The following SMG1 variants were observed in gnomAD, a reference collection of about 807,000 sequenced individuals.
SMG1 encodes the protein SMG1 nonsense mediated mRNA decay associated PI3K related kinase.
SMG1 carries 22 observed loss-of-function variants against 419.9 expected under a neutral mutation model. That is an observed-to-expected ratio of 0.05 (90% CI 0.04 to 0.07). The LOEUF (loss-of-function observed/expected upper bound fraction) is 0.07. Among genes scored for constraint, SMG1 ranks in the 10% least tolerant of loss-of-function variants. SMG1 has a pLI of 1.00. For missense variants in SMG1, 3,185 were observed against 4,342.0 expected, an observed-to-expected ratio of 0.73 and a Z score of 7.49; for synonymous variants, 1,538 against 1,553.5, an observed-to-expected ratio of 0.99 and a Z score of 0.23.
Position 18,866,764 on chromosome 16 carries a change from C to T in SMG1, c.3207G>A (p.Leu1069=). The T allele has an allele frequency of 6.3e-7, 1 of 1,597,114 alleles. No individual in the cohort carries two copies. The highest frequency in any genetic ancestry group is 8.5e-7 in the Non-Finnish European group (1 of 1,179,414). The change falls in exon 23 of 63, where the codon TTG becomes TTA. Residue 1069 remains leucine (L), a synonymous_variant. Coordinates refer to ENST00000446231, the MANE Select transcript of SMG1 (RefSeq NM_015092.5). ...CTACCACCATCATAATGGTTACTTC[C>T]AATTCATTCCCCTGAAAACGCATTC... ...KTTSLSQGNE[L]EVTIMMVVEA...
intron 38 of SMG1, 52 bp from the exon 39 acceptor site, chr16:18,845,703 T>C: frequency 7.2e-7 from 1 of 1,388,322 alleles, no homozygotes; most frequent in Non-Finnish European, 1.0e-6. Flanking sequence ...CATTAAAGTT[T>C]TACACAAACA....
chr16:18,904,789 G>A (rs1386680316), intron 1 of SMG1, among the ~76,000 whole-genome samples: 2 of 150,762 alleles, frequency 1.3e-5, no homozygotes, highest in Non-Finnish European at 3.0e-5. Context: ...ACAAATATCA[G>A]CCAGGCGTGG....
chr16:18,900,226 C>T (rs1413172719), intron 1 of SMG1: 5 of 434,786 alleles, frequency 1.1e-5, no homozygotes, highest in South Asian at 6.5e-5. Flanking sequence ...GATAAAGAGG[C>T]TTAATGTGGC....
At chr16:18,901,207 A>C (rs1239120498) in intron 1 of SMG1, among the ~76,000 whole-genome samples, 1 of 152,100 alleles carries the variant, frequency 6.6e-6, no homozygotes, top group Admixed American at 6.5e-5. Flanking sequence ...ACCAAATCTT[A>C]ATTATCCATT....
rs1310651363 is a variant in SMG1 at position 18,925,721 on chromosome 16, C to A, written c.92+229G>T. The A allele has an allele frequency of 1.2e-5, 5 of 408,778 alleles. No individual in the cohort carries two copies. The East Asian group carries it at 2.0e-4, about 16-fold the overall frequency. The allele number at this position is 408,778 out of a possible 1,614,324, so 25.3% of individuals were successfully genotyped here. On this transcript the variant is annotated intron_variant, in intron 1 of 62. Transcript: ENST00000446231. ...AGGCCAGTGCCACCGCCGGGAGCCCCGGGTCTCGGCTCCAGCCCCGGGCTG... is the reference window on the plus strand; with the variant it reads ...AGGCCAGTGCCACCGCCGGGAGCCCAGGGTCTCGGCTCCAGCCCCGGGCTG...
At position 18,845,661 on chromosome 16, in the gene SMG1, A is replaced by G. The variant is rs765255854; in HGVS notation, c.5997-10T>C. 1 of 1,596,234 alleles carries G rather than the reference A, an allele frequency of 6.3e-7. No individual in the cohort carries two copies. Among genetic ancestry groups the G allele is most frequent in the Non-Finnish European group, 8.5e-7 (1 of 1,172,000 alleles). ...TGCAATTTTCTCTTCTCTGACCAAG[A>G]AGACATTTTTATTCAAAAACTTAAA... On this transcript the variant is annotated splice_polypyrimidine_tract_variant and intron_variant, in intron 38 of 62. Coordinates refer to ENST00000446231, the MANE Select transcript of SMG1 (RefSeq NM_015092.5).
intron 1 of SMG1, among the ~76,000 whole-genome samples, chr16:18,904,751 G>A (rs12929467): frequency 0.31 from 46,786 of 150,752 alleles, 7,958 homozygotes; most frequent in Non-Finnish European, 0.39. Context: ...CCTCGCCAAT[G>A]TAGTGAAACC....
intron 13 of SMG1, among the ~76,000 whole-genome samples, chr16:18,873,988 T>G (rs942037545): frequency 2.0e-5 from 3 of 152,236 alleles, no homozygotes; most frequent in African/African-American, 4.8e-5. Context: ...ACTTCAAACA[T>G]AAGCTGTAAC....
intron 1 of SMG1, among the ~76,000 whole-genome samples, chr16:18,916,064 C>G (rs1347727943): frequency 3.1e-5 from 3 of 96,654 alleles, no homozygotes; most frequent in African/African-American, 1.3e-4. Flanking sequence ...AGCGACACTT[C>G]GTCTCAAAAA....
chr16:18,814,478 G>A (rs748485316), intron 60 of SMG1, among the ~76,000 whole-genome samples: 18 of 151,992 alleles, frequency 1.2e-4, no homozygotes, highest in East Asian at 1.9e-4. Flanking sequence ...CAGCCTGGGC[G>A]ACAAGAGACA....
chr16:18,814,412 T>C (rs1415180243), intron 60 of SMG1, among the ~76,000 whole-genome samples: 1 of 151,604 alleles, frequency 6.6e-6, no homozygotes, highest in East Asian at 2.0e-4. Context: ...GGCAGGAGAA[T>C]TGCTTGAATC....
Position 18,834,291 on chromosome 16 carries a change from G to A in SMG1, c.8478C>T (p.His2826=), listed in dbSNP as rs768390781. Residue 2826 remains histidine (H), a synonymous_variant, in exon 50 of 63, where the codon CAC becomes CAT. Coordinates refer to ENST00000446231, the MANE Select transcript of SMG1 (RefSeq NM_015092.5). Reference sequence around the variant, plus strand: ...GGATATCTAAGTCCTGTGGCACCAGGTGGCACTGCTTCAGTAACTGAACCA... The same window carrying A: ...GGATATCTAAGTCCTGTGGCACCAGATGGCACTGCTTCAGTAACTGAACCA... ...TCLVQLLKQC[H]LVPQDLDIPN... The A allele has an allele frequency of 8.1e-6, 13 of 1,612,020 alleles. No homozygotes were observed. Among genetic ancestry groups the A allele is most frequent in the Non-Finnish European group, 1.0e-5 (12 of 1,179,110 alleles).
rs10593620 is a variant in SMG1, at chr16:18,912,081, C to CA, written c.92+13868dup. Among the ~76,000 whole-genome samples, 395 of 104,052 alleles carry CA rather than the reference C, an allele frequency of 3.8e-3. 9 individuals are homozygous for CA. The East Asian group carries it at 0.04, about 11-fold the overall frequency. The allele number at this position is 104,052 out of a possible 152,430, so 68.3% of individuals were successfully genotyped here. The stretch of plus-strand genomic sequence containing the variant: ...TGGGCAACAGAGCAAGATGCCATCT[C>CA]AAAAAAAAAAAAAAAAAACCATTCT... On this transcript the variant is annotated intron_variant, in intron 1 of 62. Transcript: ENST00000446231.
At chr16:18,913,328 T>C (rs2037857444) in intron 1 of SMG1, among the ~76,000 whole-genome samples, 2 of 152,124 alleles carry the variant, frequency 1.3e-5, no homozygotes, top group South Asian at 4.1e-4. Context: ...ATGCACTGCT[T>C]CAGAGAATTA....
At chr16:18,894,827 TG>T (rs2037046134) in intron 3 of SMG1, among the ~76,000 whole-genome samples, 1 of 152,098 alleles carries the variant, frequency 6.6e-6, no homozygotes, top group Non-Finnish European at 1.5e-5. Flanking sequence ...TTTTTGTTGT[TG>T]TTTTTTTGAG....
chr16:18,916,781 G>C (rs1217487785), intron 1 of SMG1, among the ~76,000 whole-genome samples: 2 of 152,046 alleles, frequency 1.3e-5, no homozygotes, highest in Non-Finnish European at 2.9e-5. Context: ...TCAAAGACAG[G>C]TAACCAAAAT....
At chr16:18,917,216 G>A (rs868296133) in intron 1 of SMG1, among the ~76,000 whole-genome samples, 3 of 151,892 alleles carry the variant, frequency 2.0e-5, no homozygotes, top group African/African-American at 2.4e-5. Context: ...ACAATGGCCC[G>A]ATCTCGGCTC....
intron 1 of SMG1, among the ~76,000 whole-genome samples, chr16:18,914,943 T>TC (rs71141094): frequency 0.027 from 3,405 of 124,274 alleles, 63 homozygotes; most frequent in Non-Finnish European, 0.037. Flanking sequence ...ATTACCATAT[T>TC]TTTTTTTTTT....
chr16:18,812,743 C>T (rs1327494473), intron 60 of SMG1, among the ~76,000 whole-genome samples: 2 of 151,920 alleles, frequency 1.3e-5, no homozygotes, highest in Non-Finnish European at 2.9e-5. Context: ...CATATGTATA[C>T]ATGTGCCATG....
Sources: allele counts gnomAD v4.1 joint callset (sites outside exome capture counted in the v4.1 genomes callset), GRCh38; gene constraint gnomAD v4.1.1; transcripts MANE v1.5; gene names NCBI Gene and HGNC (gene_info 2026-07-23, HGNC 2026-07-21).